DTD1: variants seen among roughly 807,000 people sequenced by gnomAD.
DTD1 encodes the protein D-aminoacyl-tRNA deacylase 1.
Under a neutral mutation model 25.6 loss-of-function variants are expected in DTD1, and 13 were observed. That is an observed-to-expected ratio of 0.51 (90% CI 0.33 to 0.81). The LOEUF (loss-of-function observed/expected upper bound fraction) is 0.81. Ranked by LOEUF, DTD1 falls within the 30% of genes least tolerant of loss-of-function variation. DTD1 has a pLI of 0.02. For missense variants in DTD1, 193 were observed against 266.4 expected (o/e 0.72, Z 1.92); for synonymous variants, 110 against 103.6 (o/e 1.06, Z -0.37).
chr20:18,662,423 G>T (rs943864794), intron 4 of DTD1, among the ~76,000 whole-genome samples: 10 of 152,102 alleles, frequency 6.6e-5, no homozygotes, highest in African/African-American at 2.4e-4. Context: ...GCCCAGCTGG[G>T]GGTGGGGGGG....
At chr20:18,600,762 C>T (rs1392799261) in intron 3 of DTD1, among the ~76,000 whole-genome samples, 1 of 152,138 alleles carries the variant, frequency 6.6e-6, no homozygotes, top group Non-Finnish European at 1.5e-5. Flanking sequence ...TTCTTTAGTG[C>T]TCTGACTTCT....
At chr20:18,706,806 C>T (rs1226339058) in intron 4 of DTD1, among the ~76,000 whole-genome samples, 1 of 152,046 alleles carries the variant, frequency 6.6e-6, no homozygotes, top group East Asian at 1.9e-4. Flanking sequence ...AGTAATTAGC[C>T]CTGTCCTGGT....
At chr20:18,753,249 A>T (rs1052304499) in intron 5 of DTD1, among the ~76,000 whole-genome samples, 7 of 152,228 alleles carry the variant, frequency 4.6e-5, no homozygotes, top group African/African-American at 1.7e-4. Context: ...TCAACTAAAC[A>T]GCACCAACCT....
At chr20:18,655,776 T>C (rs1343537992) in intron 4 of DTD1, among the ~76,000 whole-genome samples, 1 of 152,208 alleles carries the variant, frequency 6.6e-6, no homozygotes, top group Non-Finnish European at 1.5e-5. Context: ...TTTTTCTTTT[T>C]ACTTTTTTTT....
At chr20:18,741,776 G>A (rs1195564402) in intron 4 of DTD1, among the ~76,000 whole-genome samples, 1 of 151,914 alleles carries the variant, frequency 6.6e-6, no homozygotes, top group African/African-American at 2.4e-5. Context: ...AGGCTGGAGT[G>A]CAGTGACATG....
At chr20:18,762,427 C>T (rs2061366726) in intron 5 of DTD1, among the ~76,000 whole-genome samples, 1 of 152,196 alleles carries the variant, frequency 6.6e-6, no homozygotes, top group African/African-American at 2.4e-5. Context: ...GACACTTGGA[C>T]TTCTGTACCA....
chr20:18,592,372 A>T (rs188876113), intron 1 of DTD1: 4 of 152,332 alleles, frequency 2.6e-5, no homozygotes, highest in Admixed American at 2.6e-4. Flanking sequence ...GCTACTCTGG[A>T]AGCTGAGGCA....
rs149387741 is a variant in DTD1, at chr20:18,651,440, C to T, written c.477+23207C>T. Among the ~76,000 whole-genome samples, 315 of 152,326 alleles carry T rather than the reference C, an allele frequency of 2.1e-3. 1 individual carries two copies. In the Middle Eastern group the frequency reaches 0.048, roughly 23 times the overall value. On this transcript the variant is annotated intron_variant, in intron 4 of 5. Coordinates refer to ENST00000377452, the MANE Select transcript of DTD1 (RefSeq NM_080820.6). ...TGCTGGGATTATAGGCGTGAGCCAC[C>T]GCTCCCAGCCAACAGCTGGTAGTTT...
intron 4 of DTD1, among the ~76,000 whole-genome samples, chr20:18,688,064 A>G (rs1401749077): frequency 6.6e-6 from 1 of 152,218 alleles, no homozygotes; most frequent in Non-Finnish European, 1.5e-5. Context: ...GTAAAACGGA[A>G]TATCTCTTTA....
intron 1 of DTD1, among the ~76,000 whole-genome samples, chr20:18,593,300 A>G (rs950295902): frequency 1.3e-5 from 2 of 152,220 alleles, no homozygotes; most frequent in African/African-American, 4.8e-5. Flanking sequence ...TGCTTCCTGT[A>G]TACTGTGTTA....
At chr20:18,706,839 G>A (rs1462810569) in intron 4 of DTD1, among the ~76,000 whole-genome samples, 1 of 152,236 alleles carries the variant, frequency 6.6e-6, no homozygotes, top group Non-Finnish European at 1.5e-5. Flanking sequence ...GAAAGGAAGT[G>A]CTGCCATTGT....
intron 4 of DTD1, among the ~76,000 whole-genome samples, chr20:18,709,912 G>A (rs1427174899): frequency 6.6e-6 from 1 of 152,040 alleles, no homozygotes; most frequent in Non-Finnish European, 1.5e-5. Flanking sequence ...TAGAAAACAG[G>A]CAATCTGGAA....
At chr20:18,601,297 T>A (rs994397459) in intron 3 of DTD1, among the ~76,000 whole-genome samples, 14 of 151,972 alleles carry the variant, frequency 9.2e-5, no homozygotes, top group Non-Finnish European at 2.1e-4. Context: ...GTCAGGAGTT[T>A]GAGACCAGCC....
At chr20:18,632,477 T>C in intron 4 of DTD1, 1 of 985,462 alleles carries the variant, frequency 1.0e-6, no homozygotes, top group African/African-American at 1.7e-5. Flanking sequence ...TCTTCTGAAT[T>C]AGAAGGAGTT....
At chr20:18,609,167 G>C (rs907984955) in intron 3 of DTD1, among the ~76,000 whole-genome samples, 1 of 150,956 alleles carries the variant, frequency 6.6e-6, no homozygotes, top group Non-Finnish European at 1.5e-5. Flanking sequence ...TTTTGACAGG[G>C]TCTCACTCTG....
intron 4 of DTD1, among the ~76,000 whole-genome samples, chr20:18,664,131 C>G (rs2060922294): frequency 6.6e-6 from 1 of 152,200 alleles, no homozygotes; most frequent in African/African-American, 2.4e-5. Flanking sequence ...GATGAAATCA[C>G]CTAACCATGC....
At chr20:18,593,362 AT>A (rs1194296405) in intron 1 of DTD1, among the ~76,000 whole-genome samples, 1 of 152,138 alleles carries the variant, frequency 6.6e-6, no homozygotes, top group Non-Finnish European at 1.5e-5. Flanking sequence ...CTGAGAATTA[AT>A]ATAGCTGAGC....
intron 4 of DTD1, among the ~76,000 whole-genome samples, chr20:18,728,439 G>A (rs993121161): frequency 2.0e-5 from 3 of 152,212 alleles, no homozygotes; most frequent in Non-Finnish European, 2.9e-5. Context: ...GTGCACAGGA[G>A]TCCCGTGGGG....
intron 4 of DTD1, among the ~76,000 whole-genome samples, chr20:18,709,594 G>C (rs2061150370): frequency 6.6e-6 from 1 of 152,240 alleles, no homozygotes; most frequent in Admixed American, 6.5e-5. Context: ...CCTGTGGGCA[G>C]ACGGTCACTA....
Sources: gnomAD v4.1 joint callset for allele counts (sites outside exome capture counted in the v4.1 genomes callset) on GRCh38, gnomAD v4.1.1 for gene constraint, MANE v1.5 for transcripts, NCBI Gene and HGNC (gene_info 2026-07-23, HGNC 2026-07-21) for gene names.